The following CDH18 variants were observed in gnomAD, a reference collection of about 807,000 sequenced individuals.
CDH18 encodes cadherin 18.
In CDH18, 31 loss-of-function variants were observed where a neutral mutation model predicts 67.9. That is an observed-to-expected ratio of 0.46 (90% confidence interval 0.34 to 0.62). The LOEUF is 0.62. Among genes scored for constraint, CDH18 ranks in the 20% least tolerant of loss-of-function variants. The pLI is 0.01. For missense variants in CDH18, 890 were observed against 975.5 expected (o/e 0.91, Z 1.17); for synonymous variants, 362 against 347.2 (o/e 1.04, Z -0.48).
chr5:20,154,892 A>G (rs1424700401), intron 2 of CDH18, among the ~76,000 whole-genome samples: 2 of 152,084 alleles, frequency 1.3e-5, no homozygotes, highest in Non-Finnish European at 2.9e-5. Context: ...CCCAGTCATC[A>G]TGTTTTTCTT....
intron 11 of CDH18, 34 bp downstream of exon 11, chr5:19,502,958 A>C: frequency 8.4e-7 from 1 of 1,187,008 alleles, no homozygotes; most frequent in Non-Finnish European, 1.3e-6. Context: ...AGCAGATACC[A>C]CATAGATAAA....
Position 19,555,550 on chromosome 5 carries a change from T to TA in CDH18, c.1254-11546dup, listed in dbSNP as rs1265236089. Among the ~76,000 whole-genome samples the TA allele has an allele frequency of 7.9e-5, 12 of 152,230 alleles. No homozygotes were observed. The East Asian group carries it at 2.3e-3, about 30-fold the overall frequency. ...CTATGTGATGCAGCAGAGAAAGCCA[T>TA]AATCCCCCTGGGAATATAACTCCAT... is the stretch of plus-strand genomic sequence containing the variant. On this transcript the variant is annotated intron_variant, in intron 8 of 12. Coordinates refer to ENST00000382275, the MANE Select transcript of CDH18 (RefSeq NM_004934.5).
intron 3 of CDH18, among the ~76,000 whole-genome samples, chr5:19,750,703 A>G (rs1429517157): frequency 2.0e-5 from 3 of 151,896 alleles, no homozygotes; most frequent in Admixed American, 6.6e-5. Flanking sequence ...TTTTTTTTAC[A>G]GTGAAATAAG....
chr5:19,590,907 A>T (rs1301981002), intron 7 of CDH18, 150 bp downstream of exon 7: 1 of 539,356 alleles, frequency 1.9e-6, no homozygotes, highest in East Asian at 2.9e-5. Flanking sequence ...ACAGTTGACA[A>T]ACAACAATTA....
intron 3 of CDH18, among the ~76,000 whole-genome samples, chr5:19,830,875 A>C (rs1327593530): frequency 4.6e-5 from 7 of 152,112 alleles, no homozygotes; most frequent in Non-Finnish European, 7.4e-5. Context: ...ATGAGATCAC[A>C]TCCTTTTCAG....
intron 1 of CDH18, among the ~76,000 whole-genome samples, chr5:20,310,157 T>G (rs952173053): frequency 1.3e-5 from 2 of 152,218 alleles, no homozygotes; most frequent in Non-Finnish European, 2.9e-5. Flanking sequence ...TTTAATGGAA[T>G]ACATTAAAAT....
chr5:20,548,611 A>G (rs1413527567), intron 1 of CDH18, among the ~76,000 whole-genome samples: 1 of 152,210 alleles, frequency 6.6e-6, no homozygotes, highest in Non-Finnish European at 1.5e-5. Context: ...CATAAAGAGC[A>G]TAACTGATGT....
chr5:20,267,085 T>A (rs1249301541), intron 1 of CDH18, among the ~76,000 whole-genome samples: 1 of 152,210 alleles, frequency 6.6e-6, no homozygotes, highest in African/African-American at 2.4e-5. Context: ...AAGGCAGTAT[T>A]CATGGTTCAG....
intron 2 of CDH18, among the ~76,000 whole-genome samples, chr5:20,234,841 G>A (rs899695261): frequency 3.9e-5 from 6 of 152,032 alleles, no homozygotes; most frequent in Admixed American, 1.3e-4. Flanking sequence ...AGACAGAAAG[G>A]TTCCAAATTT....
chr5:20,386,298 C>T (rs537270342), intron 1 of CDH18, among the ~76,000 whole-genome samples: 5 of 152,092 alleles, frequency 3.3e-5, no homozygotes, highest in East Asian at 1.9e-4. Context: ...GAGTCTATTG[C>T]GATTTGCCAC....
chr5:19,564,581 A>T (rs1350548471), intron 8 of CDH18, among the ~76,000 whole-genome samples: 5 of 152,106 alleles, frequency 3.3e-5, no homozygotes, highest in African/African-American at 1.2e-4. Context: ...GACATTACTC[A>T]TCGTGGGCTT....
At chr5:19,811,159 A>AC (rs1561351940) in intron 3 of CDH18, among the ~76,000 whole-genome samples, 33 of 14,060 alleles carry the variant, frequency 2.3e-3, no homozygotes, top group South Asian at 4.9e-3. Context: ...AGAAAGAAAG[A>AC]AGGAGAGAAA....
At chr5:20,202,479 G>C (rs1739526836) in intron 2 of CDH18, among the ~76,000 whole-genome samples, 1 of 151,882 alleles carries the variant, frequency 6.6e-6, no homozygotes, top group South Asian at 2.1e-4. Context: ...TTGTCACTTA[G>C]ATCATTTTTA....
At chr5:20,050,257 A>T (rs1741298141) in intron 2 of CDH18, among the ~76,000 whole-genome samples, 1 of 151,844 alleles carries the variant, frequency 6.6e-6, no homozygotes, top group African/African-American at 2.4e-5. Context: ...TTGTTTTTTA[A>T]AATGCCTAAT....
intron 1 of CDH18, among the ~76,000 whole-genome samples, chr5:20,489,227 C>T (rs1442052993): frequency 1.3e-5 from 2 of 151,942 alleles, no homozygotes; most frequent in East Asian, 3.9e-4. Context: ...GAAAACAGAT[C>T]TCTCCACTCC....
rs1282477650 is a variant in CDH18 at position 20,001,359 on chromosome 5, G to C, written c.-517-9345C>G. Reference sequence around the variant, plus strand: ...AGTGTATAGGTGAATATGTGTTTGAGGGCATAAGAGGAAGAGTAGGTGTTA... The same window carrying C: ...AGTGTATAGGTGAATATGTGTTTGACGGCATAAGAGGAAGAGTAGGTGTTA... On this transcript the variant is annotated intron_variant, in intron 2 of 14. Transcript: ENST00000507958. 2.0e-5 allele frequency among the ~76,000 whole-genome samples: 3 copies of C among 152,030 alleles called. No homozygotes were observed. The East Asian group carries it at 5.8e-4, about 29-fold the overall frequency.
chr5:20,302,242 CG>C (rs1736001483), intron 1 of CDH18, among the ~76,000 whole-genome samples: 2 of 152,248 alleles, frequency 1.3e-5, no homozygotes, highest in Non-Finnish European at 2.9e-5. Context: ...GGCTAAGTTG[CG>C]ACAAACTTAA....
At chr5:19,886,665 C>G (rs1788245638) in intron 2 of CDH18, among the ~76,000 whole-genome samples, 1 of 152,088 alleles carries the variant, frequency 6.6e-6, no homozygotes, top group South Asian at 2.1e-4. Flanking sequence ...AGGGTGGCCA[C>G]ACTTGTTTCA....
intron 2 of CDH18, among the ~76,000 whole-genome samples, chr5:20,159,307 TACGAA>T (rs2126604719): frequency 6.6e-6 from 1 of 152,224 alleles, no homozygotes; most frequent in East Asian, 1.9e-4. Flanking sequence ...AGGACCATTA[TACGAA>T]ATAAAAAGCA....
Sources: allele counts gnomAD v4.1 joint callset (sites outside exome capture counted in the v4.1 genomes callset), GRCh38; gene constraint gnomAD v4.1.1; transcripts MANE v1.5; gene names NCBI Gene and HGNC (gene_info 2026-07-23, HGNC 2026-07-21).